Variants in GRXCR1 observed in about 807,000 individuals in gnomAD.
GRXCR1 encodes glutaredoxin domain-containing cysteine-rich protein 1.
Under a neutral mutation model 27.3 loss-of-function variants are expected in GRXCR1, and 27 were observed. That is an observed-to-expected ratio of 0.99 (90% CI 0.73 to 1.37). The LOEUF (loss-of-function observed/expected upper bound fraction) is 1.37, where lower values mean the gene tolerates loss of function less well. GRXCR1 is among the 40% of genes most tolerant of loss of function. The probability of loss-of-function intolerance (pLI) is 0.00; values close to 1 mark genes in which losing one functional copy is unlikely to be tolerated. For synonymous variants in GRXCR1, 122 were observed against 131.1 expected, an observed-to-expected ratio of 0.93 and a Z score of 0.47; for missense variants, 379 against 354.4, an observed-to-expected ratio of 1.07 and a Z score of -0.56.
chr4:42,964,479 T>C (rs1399629549), intron 2 of GRXCR1, among the ~76,000 whole-genome samples: 2 of 152,042 alleles, frequency 1.3e-5, no homozygotes, highest in Non-Finnish European at 2.9e-5. Flanking sequence ...CATAGGCTGA[T>C]TGTGAGAATA....
intron 2 of GRXCR1, among the ~76,000 whole-genome samples, chr4:42,970,934 T>C (rs1748370045): frequency 6.6e-6 from 1 of 152,196 alleles, no homozygotes; most frequent in African/African-American, 2.4e-5. Flanking sequence ...AGACAATCTC[T>C]TCGTGAATGC....
At chr4:42,893,726 A>C in intron 1 of GRXCR1, 76 bp downstream of exon 1, 2 of 1,415,924 alleles carry the variant, frequency 1.4e-6, no homozygotes, top group East Asian at 2.3e-5. Context: ...TCTCCAGTTA[A>C]AGCAAGCCTC....
intron 1 of GRXCR1, among the ~76,000 whole-genome samples, chr4:42,961,054 C>T (rs1402965567): frequency 2.0e-5 from 3 of 151,728 alleles, no homozygotes; most frequent in Non-Finnish European, 4.4e-5. Flanking sequence ...CCTGTGTCCA[C>T]ATCCTCTCTT....
intron 2 of GRXCR1, among the ~76,000 whole-genome samples, chr4:42,996,250 CATAA>C (rs1475703095): frequency 6.6e-6 from 1 of 152,142 alleles, no homozygotes; most frequent in African/African-American, 2.4e-5. Context: ...CTATCTTGAA[CATAA>C]ATAAAGTTAC....
chr4:42,894,280 A>G (rs1201315983), intron 1 of GRXCR1, among the ~76,000 whole-genome samples: 1 of 152,132 alleles, frequency 6.6e-6, no homozygotes, highest in Non-Finnish European at 1.5e-5. Flanking sequence ...AATTTTTAAC[A>G]TTTATTACTT....
intron 1 of GRXCR1, among the ~76,000 whole-genome samples, chr4:42,907,585 T>C (rs542363842): frequency 8.6e-4 from 131 of 152,296 alleles, no homozygotes; most frequent in Non-Finnish European, 1.7e-3. Context: ...GCTGACTCAC[T>C]GCTAGACCCA....
chr4:42,951,816 G>A (rs1747890562), intron 1 of GRXCR1, among the ~76,000 whole-genome samples: 1 of 152,076 alleles, frequency 6.6e-6, no homozygotes, highest in South Asian at 2.1e-4. Context: ...CATCCTGACT[G>A]GCATGAGATA....
chr4:43,001,197 C>CG (rs1226982354), intron 2 of GRXCR1, among the ~76,000 whole-genome samples: 5 of 151,882 alleles, frequency 3.3e-5, no homozygotes, highest in African/African-American at 1.2e-4. Context: ...TTTTTCCCCC[C>CG]GGTGTACAAT....
At chr4:43,025,003 C>T (rs2109809605) in intron 3 of GRXCR1, among the ~76,000 whole-genome samples, 1 of 152,152 alleles carries the variant, frequency 6.6e-6, no homozygotes, top group Non-Finnish European at 1.5e-5. Context: ...ATTTGATGAT[C>T]TGAGGTTAAA....
intron 2 of GRXCR1, among the ~76,000 whole-genome samples, chr4:43,004,654 A>T (rs1712497684): frequency 6.6e-6 from 1 of 152,114 alleles, no homozygotes; most frequent in South Asian, 2.1e-4. Context: ...GAGCTTTAAG[A>T]TTTCATAACT....
At chr4:42,920,441 T>A (rs1287875787) in intron 1 of GRXCR1, among the ~76,000 whole-genome samples, 1 of 152,138 alleles carries the variant, frequency 6.6e-6, no homozygotes, top group Admixed American at 6.5e-5. Flanking sequence ...AAGCCAAGTA[T>A]GAAATAACGA....
intron 1 of GRXCR1, among the ~76,000 whole-genome samples, chr4:42,928,776 C>A (rs1460336488): frequency 6.6e-6 from 1 of 151,890 alleles, no homozygotes. Flanking sequence ...TGGCTCAATG[C>A]TATAGGGGTG....
At chr4:43,019,354 A>G (rs2109806695) in intron 2 of GRXCR1, among the ~76,000 whole-genome samples, 1 of 152,302 alleles carries the variant, frequency 6.6e-6, no homozygotes, top group African/African-American at 2.4e-5. Context: ...TATTTTTTAA[A>G]TGAGTCCTGC....
At chr4:42,937,245 G>C (rs1747481953) in intron 1 of GRXCR1, among the ~76,000 whole-genome samples, 1 of 148,204 alleles carries the variant, frequency 6.7e-6, no homozygotes. Flanking sequence ...ATTGGCTCTT[G>C]AGTCCCATTG....
chr4:43,008,557 G>A (rs182259772), intron 2 of GRXCR1, among the ~76,000 whole-genome samples: 16 of 152,296 alleles, frequency 1.1e-4, no homozygotes, highest in African/African-American at 3.6e-4. Context: ...TACTATCATA[G>A]TGTGTGATTA....
chr4:42,965,337 C>T (rs554593280), intron 2 of GRXCR1, among the ~76,000 whole-genome samples: 1 of 152,114 alleles, frequency 6.6e-6, no homozygotes, highest in South Asian at 2.1e-4. Context: ...AACAGATATT[C>T]CCCCTTCTTT....
At chr4:42,898,246 AT>A (rs1746392310) in intron 1 of GRXCR1, among the ~76,000 whole-genome samples, 1 of 134,202 alleles carries the variant, frequency 7.5e-6, no homozygotes, top group African/African-American at 2.6e-5. Context: ...TTTATTGAAC[AT>A]TTGATCTTCA....
At position 43,024,373 on chromosome 4, in the gene GRXCR1, C is replaced by G. The variant is rs114763790; in HGVS notation, c.693+3954C>G. On this transcript the variant is annotated intron_variant, in intron 3 of 3. Coordinates refer to ENST00000399770, the MANE Select transcript of GRXCR1 (RefSeq NM_001080476.3). ...AGGTATTGGAGCTGTCAGAGACTGTCCTGAGGTTCCCTGGAGAAGTATAGC... is the reference window on the plus strand; with the variant it reads ...AGGTATTGGAGCTGTCAGAGACTGTGCTGAGGTTCCCTGGAGAAGTATAGC... 2.0e-5 allele frequency among the ~76,000 whole-genome samples: 3 copies of G among 151,976 alleles called. No individual in the cohort carries two copies. In the South Asian group the frequency reaches 6.2e-4, roughly 32 times the overall value.
At chr4:42,961,461 T>A (rs1287150521) in intron 1 of GRXCR1, among the ~76,000 whole-genome samples, 6 of 152,008 alleles carry the variant, frequency 3.9e-5, no homozygotes, top group Non-Finnish European at 8.8e-5. Flanking sequence ...AGTTGCTACG[T>A]AAAATAATTA....
Sources: allele counts gnomAD v4.1 joint callset (sites outside exome capture counted in the v4.1 genomes callset), GRCh38; gene constraint gnomAD v4.1.1; transcripts MANE v1.5; gene names NCBI Gene and HGNC (gene_info 2026-07-23, HGNC 2026-07-21).